The following ZNF804B variants were observed in gnomAD, a reference collection of about 807,000 sequenced individuals.
ZNF804B encodes zinc finger 804B.
Under a neutral mutation model 101.4 loss-of-function variants are expected in ZNF804B, and 80 were observed. The observed-to-expected ratio is 0.79, with a 90% confidence interval of 0.66 to 0.95. The LOEUF is 0.95. Among genes scored for constraint, ZNF804B ranks in the 40% least tolerant of loss-of-function variants. The pLI is 0.00. For missense variants in ZNF804B, 1,673 were observed against 1,561.9 expected, an observed-to-expected ratio of 1.07 and a Z score of -1.20; for synonymous variants, 622 against 558.8, an observed-to-expected ratio of 1.11 and a Z score of -1.59.
Position 88,969,809 on chromosome 7 carries a change from C to A in ZNF804B, c.108+209725C>A, listed in dbSNP as rs115441463. Among the ~76,000 whole-genome samples the A allele has an allele frequency of 6.2e-3, 944 of 151,520 alleles. 9 individuals carry two copies. The highest frequency in any genetic ancestry group is 0.022 in the African/African-American group (896 of 41,402). On this transcript the variant is annotated intron_variant, in intron 1 of 3. Transcript: ENST00000333190. Reference sequence around the variant, plus strand: ...ATATCACACTGGTAGTCATTTTCTTCCAATTTTTGAAACAAGATATAAACC... The same window carrying A: ...ATATCACACTGGTAGTCATTTTCTTACAATTTTTGAAACAAGATATAAACC...
At chr7:89,027,983 G>A (rs567496853) in intron 1 of ZNF804B, among the ~76,000 whole-genome samples, 4 of 152,228 alleles carry the variant, frequency 2.6e-5, no homozygotes, top group East Asian at 1.9e-4. Context: ...ATCCTTCAAC[G>A]TTTTACCACT....
chr7:88,992,532 G>A (rs1434653479), intron 1 of ZNF804B, among the ~76,000 whole-genome samples: 1 of 152,020 alleles, frequency 6.6e-6, no homozygotes, highest in African/African-American at 2.4e-5. Context: ...CATCTGGGCT[G>A]GCCTTAAGCG....
chr7:89,086,694 C>T (rs937762871), intron 1 of ZNF804B, among the ~76,000 whole-genome samples: 10 of 151,960 alleles, frequency 6.6e-5, no homozygotes, highest in Admixed American at 4.6e-4. Context: ...CTGAACCATG[C>T]AGCAGATGGT....
intron 1 of ZNF804B, among the ~76,000 whole-genome samples, chr7:88,911,672 A>G (rs1326192760): frequency 6.6e-6 from 1 of 151,550 alleles, no homozygotes; most frequent in Non-Finnish European, 1.5e-5. Context: ...TACTTTACAT[A>G]CAAAATAAAA....
At chr7:89,312,713 G>C (rs989172104) in intron 2 of ZNF804B, among the ~76,000 whole-genome samples, 14 of 152,046 alleles carry the variant, frequency 9.2e-5, no homozygotes, top group African/African-American at 3.4e-4. Flanking sequence ...ATGGCATGCA[G>C]CTGGGTGCTG....
At chr7:88,843,422 A>G (rs959280178) in intron 1 of ZNF804B, among the ~76,000 whole-genome samples, 1 of 152,130 alleles carries the variant, frequency 6.6e-6, no homozygotes, top group Non-Finnish European at 1.5e-5. Context: ...AATAATTCTT[A>G]AAGAGTAGAA....
intron 1 of ZNF804B, among the ~76,000 whole-genome samples, chr7:89,188,361 C>G (rs1020968019): frequency 6.6e-6 from 1 of 152,100 alleles, no homozygotes; most frequent in Non-Finnish European, 1.5e-5. Context: ...CACTGAGCAG[C>G]AGTTCCCCTA....
intron 1 of ZNF804B, among the ~76,000 whole-genome samples, chr7:88,885,871 T>C (rs956345301): frequency 5.3e-5 from 8 of 152,054 alleles, no homozygotes; most frequent in Non-Finnish European, 1.0e-4. Flanking sequence ...TTATTAGTTA[T>C]ATTAGCACTC....
intron 1 of ZNF804B, among the ~76,000 whole-genome samples, chr7:88,995,347 A>G (rs1041754144): frequency 3.3e-5 from 5 of 152,092 alleles, no homozygotes; most frequent in Non-Finnish European, 5.9e-5. Context: ...AGAGCATATA[A>G]TAGATATACT....
intron 2 of ZNF804B, among the ~76,000 whole-genome samples, chr7:89,311,557 T>C (rs38943): frequency 0.34 from 52,028 of 152,078 alleles, 9,393 homozygotes; most frequent in Non-Finnish European, 0.4. Flanking sequence ...ACTGAATTTT[T>C]ATTTGTTCAT....
chr7:88,999,542 C>T (rs1208802865), intron 1 of ZNF804B, among the ~76,000 whole-genome samples: 1 of 151,934 alleles, frequency 6.6e-6, no homozygotes, highest in Non-Finnish European at 1.5e-5. Context: ...GGAATTCTAT[C>T]TTTCGTTCAG....
intron 1 of ZNF804B, among the ~76,000 whole-genome samples, chr7:89,096,240 A>G (rs946711358): frequency 7.9e-5 from 12 of 152,104 alleles, no homozygotes; most frequent in Non-Finnish European, 1.5e-4. Flanking sequence ...TAATGTTAAA[A>G]CTGAACACTG....
intron 1 of ZNF804B, among the ~76,000 whole-genome samples, chr7:88,934,962 A>G (rs1271528390): frequency 6.6e-6 from 1 of 151,908 alleles, no homozygotes; most frequent in Non-Finnish European, 1.5e-5. Context: ...AATTGCAAAG[A>G]CATGGAACCA....
At chr7:88,950,377 C>T (rs576920272) in intron 1 of ZNF804B, among the ~76,000 whole-genome samples, 2 of 151,960 alleles carry the variant, frequency 1.3e-5, no homozygotes, top group South Asian at 4.1e-4. Flanking sequence ...AATAAGAAAG[C>T]TAACTAGAGT....
chr7:88,970,434 T>C (rs1793517694), intron 1 of ZNF804B, among the ~76,000 whole-genome samples: 1 of 151,316 alleles, frequency 6.6e-6, no homozygotes, highest in Non-Finnish European at 1.5e-5. Flanking sequence ...ATAAAAACTT[T>C]ATATTCCAAA....
At chr7:88,789,037 T>A (rs1051673483) in intron 1 of ZNF804B, among the ~76,000 whole-genome samples, 5 of 152,148 alleles carry the variant, frequency 3.3e-5, no homozygotes, top group African/African-American at 9.6e-5. Context: ...CATTTCTGCC[T>A]ATATAGAAAC....
intron 1 of ZNF804B, among the ~76,000 whole-genome samples, chr7:88,777,846 TAAAAAAAAA>T (rs3084379): frequency 2.5e-4 from 27 of 107,586 alleles, no homozygotes; most frequent in Non-Finnish European, 4.5e-4. Flanking sequence ...AGACTCCATC[TAAAAAAAAA>T]AAAAAAAAAA....
intron 2 of ZNF804B, among the ~76,000 whole-genome samples, chr7:89,269,236 C>G (rs544886492): frequency 3.3e-5 from 5 of 152,156 alleles, no homozygotes; most frequent in African/African-American, 1.2e-4. Flanking sequence ...ACAACAGGCT[C>G]TGGTGTGTGA....
At chr7:89,229,628 T>C (rs1333163062) in intron 2 of ZNF804B, among the ~76,000 whole-genome samples, 1 of 152,206 alleles carries the variant, frequency 6.6e-6, no homozygotes, top group Non-Finnish European at 1.5e-5. Context: ...GAGATACCAA[T>C]ACCTGTTTGT....
Sources: allele counts gnomAD v4.1 joint callset (sites outside exome capture counted in the v4.1 genomes callset), GRCh38; gene constraint gnomAD v4.1.1; transcripts MANE v1.5; gene names NCBI Gene and HGNC (gene_info 2026-07-23, HGNC 2026-07-21).